RORA: variants seen among roughly 807,000 people sequenced by gnomAD.
RORA encodes the protein RAR related orphan receptor A.
RORA carries 7 observed loss-of-function variants against 69.5 expected under a neutral mutation model. The ratio of observed to expected loss-of-function variants is 0.10; its 90% CI spans 0.06 to 0.19. The LOEUF is 0.19. Among genes scored for constraint, RORA ranks in the 10% least tolerant of loss-of-function variants. RORA has a pLI of 1.00. For missense variants in RORA, 457 were observed against 663.0 expected, an observed-to-expected ratio of 0.69 and a Z score of 3.41; for synonymous variants, 261 against 240.8, an observed-to-expected ratio of 1.08 and a Z score of -0.78.
At chr15:60,515,958 T>TAG (rs2065869080) in intron 3 of RORA, among the ~76,000 whole-genome samples, 1 of 11,074 alleles carries the variant, frequency 9.0e-5, no homozygotes, top group Non-Finnish European at 1.5e-4. Context: ...TTTATATATT[T>TAG]ATATTTATAT....
intron 1 of RORA, among the ~76,000 whole-genome samples, chr15:60,840,010 G>A (rs1189700408): frequency 6.6e-6 from 1 of 152,196 alleles, no homozygotes; most frequent in Non-Finnish European, 1.5e-5. Flanking sequence ...GTGGGTAGCA[G>A]GCAGGGGCTG....
rs550095979 is a variant in RORA at position 61,117,847 on chromosome 15, C to A, written c.166+111206G>T. On this transcript the variant is annotated intron_variant, in intron 1 of 10. Coordinates refer to ENST00000335670, the MANE Select transcript of RORA (RefSeq NM_134261.3). The stretch of plus-strand genomic sequence containing the variant: ...TGCAATAACGATAGACATATTTTAA[C>A]ACAGAAAGATAAAGACTTCAAAAGT... Among the ~76,000 whole-genome samples the A allele has an allele frequency of 5.9e-5, 9 of 152,212 alleles. No homozygotes were observed. The South Asian group carries it at 6.2e-4, about 11-fold the overall frequency.
At chr15:61,082,199 C>T (rs530813270) in intron 1 of RORA, among the ~76,000 whole-genome samples, 3 of 152,262 alleles carry the variant, frequency 2.0e-5, no homozygotes, top group African/African-American at 4.8e-5. Context: ...ATCAAAAATA[C>T]GGTATTTGGC....
rs149435358 is a variant in RORA at position 60,744,713 on chromosome 15, G to C, written c.167-66027C>G. 2.9e-3 allele frequency among the ~76,000 whole-genome samples: 446 copies of C among 152,302 alleles called. 1 individual carries two copies. Among genetic ancestry groups the C allele is most frequent in the Non-Finnish European group, 5.3e-3 (359 of 68,020 alleles). On this transcript the variant is annotated intron_variant, in intron 1 of 10. Transcript: ENST00000335670. Reference sequence around the variant, plus strand: ...ATTACTGAGGAAGGCCCCTTGGACAGCATGATATTCAGCAACTTACTGTCC... The same window carrying C: ...ATTACTGAGGAAGGCCCCTTGGACACCATGATATTCAGCAACTTACTGTCC...
In RORA at chr15:60,516,203, ATATATT is replaced by A. The variant is rs1396239069; in HGVS notation, c.283-1452_283-1447del. ...TATATATTTATATATATATTTATAT[ATATATT>A]TATATATATATATTTATATATATAT... On this transcript the variant is annotated intron_variant, in intron 3 of 10. Coordinates refer to ENST00000335670, the MANE Select transcript of RORA (RefSeq NM_134261.3). Among the ~76,000 whole-genome samples, 10 of 28,342 alleles carry A rather than the reference ATATATT, an allele frequency of 3.5e-4. 1 individual carries two copies. The highest frequency in any genetic ancestry group is 2.6e-3 in the African/African-American group (10 of 3,796). 18.6% of individuals were successfully genotyped at this position (28,342 alleles called of 152,430 possible).
At chr15:60,893,010 G>T (rs993701488) in intron 1 of RORA, among the ~76,000 whole-genome samples, 1 of 152,186 alleles carries the variant, frequency 6.6e-6, no homozygotes, top group Non-Finnish European at 1.5e-5. Flanking sequence ...GAGAGTTTGG[G>T]ATTCCAGATG....
chr15:61,057,431 A>G (rs1389524574), intron 1 of RORA, among the ~76,000 whole-genome samples: 1 of 152,240 alleles, frequency 6.6e-6, no homozygotes, highest in Non-Finnish European at 1.5e-5. Context: ...GATCATGTTT[A>G]GAATTTCTGC....
In RORA at chr15:60,537,681, A is replaced by G. The variant is rs775226407; in HGVS notation, c.197-5830T>C. 6.6e-6 allele frequency among the ~76,000 whole-genome samples: 1 copy of G among 152,254 alleles called. No individual in the cohort carries two copies. The highest frequency in any genetic ancestry group is 1.5e-5 in the Non-Finnish European group (1 of 68,050). The stretch of plus-strand genomic sequence containing the variant: ...ATGAGTAGAGCCGAGTTATAGCTGC[A>G]TCCTATGCAAACTAACGATGAACTT... On this transcript the variant is annotated intron_variant, in intron 2 of 10. Transcript: ENST00000335670. This position sits in a 1 kb window ranked among gnomAD's most constrained non-coding sequence, Gnocchi z 4.9.
intron 1 of RORA, among the ~76,000 whole-genome samples, chr15:60,839,785 C>T (rs776184464): frequency 6.6e-6 from 1 of 152,112 alleles, no homozygotes; most frequent in South Asian, 2.1e-4. Flanking sequence ...TTACAGGCAC[C>T]AGAAGCATGG....
At chr15:61,137,019 A>AAAAGAAAGAAAG (rs551072168) in intron 1 of RORA, among the ~76,000 whole-genome samples, 726 of 61,152 alleles carry the variant, frequency 0.012, 56 homozygotes, top group Middle Eastern at 0.019. Flanking sequence ...AAATAAATAA[A>AAAAGAAAGAAAG]AAAGAAAGAA....
intron 2 of RORA, among the ~76,000 whole-genome samples, chr15:60,558,669 G>A (rs1389863083): frequency 6.6e-6 from 1 of 152,140 alleles, no homozygotes; most frequent in Non-Finnish European, 1.5e-5. Context: ...AAACCTATTG[G>A]AGATTGGTTT....
intron 1 of RORA, among the ~76,000 whole-genome samples, chr15:60,986,864 G>A (rs541057980): frequency 6.6e-6 from 1 of 152,146 alleles, no homozygotes; most frequent in Non-Finnish European, 1.5e-5. Context: ...CTCAGTTTAG[G>A]GGGAGACAGA....
chr15:61,059,966 A>C (rs1311093538), intron 1 of RORA, among the ~76,000 whole-genome samples: 5 of 129,684 alleles, frequency 3.9e-5, no homozygotes, highest in Non-Finnish European at 6.3e-5. Context: ...GAAGAAGAGG[A>C]AGAGGAAGAG....
At chr15:60,656,031 A>G (rs1045097996) in intron 2 of RORA, among the ~76,000 whole-genome samples, 4 of 152,224 alleles carry the variant, frequency 2.6e-5, no homozygotes, top group Non-Finnish European at 5.9e-5. Flanking sequence ...TTTTCTACCA[A>G]ACTGGAGAAA....
intron 1 of RORA, among the ~76,000 whole-genome samples, chr15:60,801,403 AAC>A (rs1298242024): frequency 7.0e-6 from 1 of 143,578 alleles, no homozygotes; most frequent in African/African-American, 2.4e-5. Flanking sequence ...CATTTAAAGA[AAC>A]ACAGACTTTA....
intron 1 of RORA, among the ~76,000 whole-genome samples, chr15:60,847,564 C>G (rs1224497813): frequency 2.0e-5 from 3 of 151,960 alleles, no homozygotes; most frequent in Non-Finnish European, 4.4e-5. Context: ...TAGACATGTA[C>G]TATCCAAAAG....
chr15:60,826,710 C>T (rs1190693651), intron 1 of RORA, among the ~76,000 whole-genome samples: 1 of 146,900 alleles, frequency 6.8e-6, no homozygotes, highest in East Asian at 2.0e-4. Context: ...ATGACTGGTA[C>T]TTTCCTGGCC....
intron 1 of RORA, among the ~76,000 whole-genome samples, chr15:60,938,409 TG>T (rs1335068706): frequency 2.0e-5 from 3 of 152,226 alleles, no homozygotes; most frequent in African/African-American, 7.2e-5. Flanking sequence ...GGTTGCATGC[TG>T]TATTCAAATA....
rs369755003 is a variant in RORA at position 60,753,199 on chromosome 15, T to C, written c.167-74513A>G. 3.7e-4 allele frequency among the ~76,000 whole-genome samples: 56 copies of C among 152,358 alleles called. No individual in the cohort carries two copies. In the South Asian group the frequency reaches 0.01, roughly 28 times the overall value. Reference sequence around the variant, plus strand: ...GTAGAAAAGGGACCCCTTTAAGTCCTACTCGCAGTTTAGTTCTGACACGAA... The same window carrying C: ...GTAGAAAAGGGACCCCTTTAAGTCCCACTCGCAGTTTAGTTCTGACACGAA... On this transcript the variant is annotated intron_variant, in intron 1 of 10. Transcript: ENST00000335670.
Sources: gnomAD v4.1 joint callset for allele counts (sites outside exome capture counted in the v4.1 genomes callset) on GRCh38, gnomAD v4.1.1 for gene constraint, Gnocchi (gnomAD v3.1) non-coding constraint, MANE v1.5 for transcripts, NCBI Gene and HGNC (gene_info 2026-07-23, HGNC 2026-07-21) for gene names.